Variants in GRIA4 observed in about 807,000 individuals in gnomAD.
GRIA4 encodes glutamate receptor 4.
A neutral mutation model predicts 104.0 loss-of-function variants in GRIA4; 34 were observed. The ratio of observed to expected loss-of-function variants is 0.33; its 90% CI spans 0.25 to 0.44. The LOEUF (loss-of-function observed/expected upper bound fraction) is 0.44. Among genes scored for constraint, GRIA4 ranks in the 20% least tolerant of loss-of-function variants. The probability of loss-of-function intolerance (pLI) is 1.00; values close to 1 mark genes in which losing one functional copy is unlikely to be tolerated. For synonymous variants in GRIA4, 386 were observed against 381.9 expected (o/e 1.01, Z -0.13); for missense variants, 750 against 1,096.5 (o/e 0.68, Z 4.46).
At chr11:105,756,297 C>CCCT in intron 4 of GRIA4, among the ~76,000 whole-genome samples, 1 of 152,132 alleles carries the variant, frequency 6.6e-6, no homozygotes, top group East Asian at 1.9e-4. Context: ...TAACTGTATA[C>CCCT]CTGTCAAGTG....
intron 5 of GRIA4, among the ~76,000 whole-genome samples, chr11:105,868,839 T>A (rs1945518476): frequency 6.6e-6 from 1 of 152,168 alleles, no homozygotes; most frequent in South Asian, 2.1e-4. Flanking sequence ...AAAGCTCCTT[T>A]TGCATATTGA....
At chr11:105,942,913 T>C (rs1156643774) in intron 14 of GRIA4, among the ~76,000 whole-genome samples, 1 of 152,114 alleles carries the variant, frequency 6.6e-6, no homozygotes, top group African/African-American at 2.4e-5. Context: ...ATCCCTGACA[T>C]CCAACTTATT....
chr11:105,753,297 T>A, intron 4 of GRIA4, 77 bp downstream of exon 4: 4 of 1,336,070 alleles, frequency 3.0e-6, no homozygotes, highest in Admixed American at 1.8e-5. Context: ...CTTCGGTTTT[T>A]AGCAAATTGT....
intron 4 of GRIA4, among the ~76,000 whole-genome samples, chr11:105,830,619 T>C (rs1349526693): frequency 2.6e-5 from 4 of 152,156 alleles, no homozygotes; most frequent in African/African-American, 7.2e-5. Flanking sequence ...GGTCTACTTA[T>C]GAAATTTCAA....
intron 3 of GRIA4, among the ~76,000 whole-genome samples, chr11:105,713,174 G>T (rs1953972882): frequency 1.3e-5 from 2 of 152,078 alleles, no homozygotes; most frequent in Admixed American, 6.6e-5. Flanking sequence ...CTTGAGGTCA[G>T]GAGATCAAGA....
chr11:105,645,559 T>A (rs1250736182), intron 3 of GRIA4, among the ~76,000 whole-genome samples: 1 of 152,164 alleles, frequency 6.6e-6, no homozygotes, highest in Non-Finnish European at 1.5e-5. Flanking sequence ...ATTGCCCAGA[T>A]TAAGAAGTGA....
At chr11:105,724,398 T>A (rs575618368) in intron 3 of GRIA4, among the ~76,000 whole-genome samples, 5 of 43,176 alleles carry the variant, frequency 1.2e-4, no homozygotes, top group Admixed American at 7.1e-4. Context: ...CACACACACA[T>A]ATATATATGT....
At chr11:105,896,749 A>G (rs746664320) in intron 6 of GRIA4, among the ~76,000 whole-genome samples, 4 of 151,978 alleles carry the variant, frequency 2.6e-5, no homozygotes, top group Non-Finnish European at 5.9e-5. Context: ...TGGTTTCATT[A>G]TTGTGTTCCA....
chr11:105,943,861 C>T (rs1220586540), intron 14 of GRIA4, among the ~76,000 whole-genome samples: 2 of 151,940 alleles, frequency 1.3e-5, no homozygotes, highest in African/African-American at 4.8e-5. Flanking sequence ...TTCAGAAAAA[C>T]AGGAAATGCT....
chr11:105,727,825 C>A (rs901868809), intron 3 of GRIA4, among the ~76,000 whole-genome samples: 2 of 152,152 alleles, frequency 1.3e-5, no homozygotes. Flanking sequence ...CAAGCAAATG[C>A]TGAGGGATTT....
chr11:105,705,207 A>C (rs1953649891), intron 3 of GRIA4, among the ~76,000 whole-genome samples: 3 of 152,260 alleles, frequency 2.0e-5, no homozygotes, highest in South Asian at 2.1e-4. Context: ...CAACTGGTTT[A>C]CCATTTGGAA....
At position 105,844,249 on chromosome 11, in the gene GRIA4, G is replaced by C. The variant is rs117118556; in HGVS notation, c.488-17775G>C. 1.2e-4 allele frequency among the ~76,000 whole-genome samples: 19 copies of C among 152,300 alleles called. No homozygotes were observed. In the East Asian group the frequency reaches 2.9e-3, roughly 23 times the overall value. The stretch of plus-strand genomic sequence containing the variant: ...CTATAAAGTGACCAACCCAATATGA[G>C]TGAGTTTGTGATACAAGTCACCTTC... On this transcript the variant is annotated intron_variant, in intron 4 of 16. Coordinates refer to ENST00000282499, the MANE Select transcript of GRIA4 (RefSeq NM_000829.4).
intron 3 of GRIA4, among the ~76,000 whole-genome samples, chr11:105,651,759 T>C (rs1352798870): frequency 6.6e-6 from 1 of 151,940 alleles, no homozygotes; most frequent in African/African-American, 2.4e-5. Context: ...ACATTTGTAG[T>C]AGCCTATTGT....
chr11:105,760,462 T>G (rs1940563310), intron 4 of GRIA4, among the ~76,000 whole-genome samples: 1 of 152,164 alleles, frequency 6.6e-6, no homozygotes, highest in African/African-American at 2.4e-5. Context: ...ATAATTTTTT[T>G]CTTGCAATGT....
At position 105,853,563 on chromosome 11, in the gene GRIA4, T is replaced by C. The variant is rs112502870; in HGVS notation, c.488-8461T>C. On this transcript the variant is annotated intron_variant, in intron 4 of 16. Transcript: ENST00000282499. The stretch of plus-strand genomic sequence containing the variant: ...AGTTTTCAGCTCATTCCGATGTCAG[T>C]AATATTACTTATTATTCATTCAGAA... 2.6e-3 allele frequency among the ~76,000 whole-genome samples: 389 copies of C among 152,302 alleles called. 2 individuals are homozygous for C. The highest frequency in any genetic ancestry group is 9.0e-3 in the African/African-American group (373 of 41,592).
chr11:105,810,910 AT>A (rs904654343), intron 4 of GRIA4, among the ~76,000 whole-genome samples: 8 of 152,040 alleles, frequency 5.3e-5, no homozygotes, highest in Non-Finnish European at 1.2e-4. Context: ...TGTGTTAAGC[AT>A]TTTTTTTAAA....
intron 14 of GRIA4, among the ~76,000 whole-genome samples, chr11:105,951,657 A>T (rs1248996049): frequency 1.3e-5 from 2 of 152,058 alleles, no homozygotes; most frequent in African/African-American, 2.4e-5. Context: ...TTTTTTTTAA[A>T]TTTTTATTGG....
intron 5 of GRIA4, among the ~76,000 whole-genome samples, chr11:105,883,649 G>A (rs1228937708): frequency 1.3e-5 from 2 of 152,068 alleles, no homozygotes; most frequent in South Asian, 2.1e-4. Flanking sequence ...GTGTATATGT[G>A]CCACATTTTC....
At chr11:105,910,193 A>T (rs548172610) in intron 9 of GRIA4, among the ~76,000 whole-genome samples, 2 of 152,170 alleles carry the variant, frequency 1.3e-5, no homozygotes, top group South Asian at 4.2e-4. Context: ...TCTCTTGGTC[A>T]CTCCACTATT....
Sources: allele counts gnomAD v4.1 joint callset (sites outside exome capture counted in the v4.1 genomes callset), GRCh38; gene constraint gnomAD v4.1.1; transcripts MANE v1.5; gene names NCBI Gene and HGNC (gene_info 2026-07-23, HGNC 2026-07-21).